FARS2: variants seen among roughly 807,000 people sequenced by gnomAD.
The protein encoded by FARS2 is phenylalanyl-tRNA synthetase 2, mitochondrial.
FARS2 carries 40 observed loss-of-function variants against 46.4 expected under a neutral mutation model. The observed-to-expected ratio is 0.86, with a 90% CI of 0.67 to 1.12. The LOEUF (loss-of-function observed/expected upper bound fraction) is 1.12, where lower values mean the gene tolerates loss of function less well. Among genes scored for constraint, FARS2 ranks in the 50% most tolerant of loss-of-function variants. FARS2 has a pLI of 0.00. For missense variants in FARS2, 513 were observed against 567.9 expected (o/e 0.90, Z 0.98); for synonymous variants, 234 against 214.9 (o/e 1.09, Z -0.78).
At chr6:5,674,707 T>A (rs982948276) in intron 6 of FARS2, among the ~76,000 whole-genome samples, 2 of 152,254 alleles carry the variant, frequency 1.3e-5, no homozygotes, top group Non-Finnish European at 2.9e-5. Flanking sequence ...ATATTTGCCT[T>A]CTTCTCACAT....
At chr6:5,679,187 A>G (rs1164632781) in intron 6 of FARS2, among the ~76,000 whole-genome samples, 1 of 152,182 alleles carries the variant, frequency 6.6e-6, no homozygotes, top group Non-Finnish European at 1.5e-5. Context: ...TGACAAAGCA[A>G]ACCTCTCAGT....
chr6:5,313,202 C>A (rs913601351), intron 1 of FARS2, among the ~76,000 whole-genome samples: 1 of 152,194 alleles, frequency 6.6e-6, no homozygotes, highest in Non-Finnish European at 1.5e-5. Flanking sequence ...TTTGTTGTTA[C>A]AAAATCACCT....
intron 6 of FARS2, among the ~76,000 whole-genome samples, chr6:5,677,774 A>T (rs1175071805): frequency 6.6e-6 from 1 of 152,176 alleles, no homozygotes; most frequent in Non-Finnish European, 1.5e-5. Context: ...TCTCGCAGCT[A>T]CTTGAAGGGT....
rs375707073 is a variant in FARS2 at position 5,763,273 on chromosome 6, G to A, written c.1218-8018G>A. Among the ~76,000 whole-genome samples, 32 of 152,210 alleles carry A rather than the reference G, an allele frequency of 2.1e-4. 1 individual carries two copies. In the East Asian group the frequency reaches 2.7e-3, roughly 13 times the overall value. ...TTGAGATTGGCCTGGGCAACATAGCGAGACCCTGTCTCTACATGAAATCAA... is the reference window on the plus strand; with the variant it reads ...TTGAGATTGGCCTGGGCAACATAGCAAGACCCTGTCTCTACATGAAATCAA... On this transcript the variant is annotated intron_variant, in intron 6 of 6. Transcript: ENST00000274680.
At chr6:5,689,840 C>T (rs1166380464) in intron 6 of FARS2, among the ~76,000 whole-genome samples, 2 of 152,098 alleles carry the variant, frequency 1.3e-5, no homozygotes, top group Admixed American at 1.3e-4. Context: ...GTCTAAGTCT[C>T]TTTGTAGGTC....
At chr6:5,349,506 C>G (rs797140) in intron 1 of FARS2, among the ~76,000 whole-genome samples, 1 of 151,922 alleles carries the variant, frequency 6.6e-6, no homozygotes, top group Non-Finnish European at 1.5e-5. Flanking sequence ...AACTTACTAA[C>G]TTTCAACCCT....
chr6:5,264,735 T>C (rs557622587), intron 1 of FARS2, among the ~76,000 whole-genome samples: 32 of 152,114 alleles, frequency 2.1e-4, no homozygotes, highest in Non-Finnish European at 4.0e-4. Flanking sequence ...TATAAGATGA[T>C]ATAGTCACAG....
At chr6:5,565,047 T>C (rs1223981937) in intron 5 of FARS2, among the ~76,000 whole-genome samples, 1 of 152,192 alleles carries the variant, frequency 6.6e-6, no homozygotes, top group African/African-American at 2.4e-5. Flanking sequence ...GAAAAATGGA[T>C]TCTTACTGCA....
rs539343499 is a variant in FARS2 at position 5,425,083 on chromosome 6, T to G, written c.773-5958T>G. Among the ~76,000 whole-genome samples the G allele has an allele frequency of 1.2e-3, 176 of 152,356 alleles. 2 individuals are homozygous for G. The South Asian group carries it at 0.014, about 12-fold the overall frequency. On this transcript the variant is annotated intron_variant, in intron 3 of 6. Transcript: ENST00000274680. The stretch of plus-strand genomic sequence containing the variant: ...AGTGGCAACCCTGATATTAGACCAC[T>G]ATATTCTACTATTTTTCTGGTGTCA...
At chr6:5,302,760 G>C (rs75236806) in intron 1 of FARS2, among the ~76,000 whole-genome samples, 1,890 of 152,178 alleles carry the variant, frequency 0.012, 16 homozygotes, top group Non-Finnish European at 0.02. Flanking sequence ...AGGGAGAGTC[G>C]GCTCACGGTG....
chr6:5,539,479 G>A lies in FARS2; in HGVS notation c.905-5701G>A, dbSNP rs552986383. On this transcript the variant is annotated intron_variant, in intron 4 of 6. Transcript: ENST00000274680. ...AATCTCCTGACCTCGTGATCTGCCC[G>A]CCTTGGCCTCCCAAAGTGCTAGGAT... Among the ~76,000 whole-genome samples the A allele has an allele frequency of 1.6e-4, 24 of 150,274 alleles. 1 individual carries two copies. The South Asian group carries it at 4.0e-3, about 25-fold the overall frequency.
At chr6:5,543,489 C>T (rs778540428) in intron 4 of FARS2, among the ~76,000 whole-genome samples, 3 of 151,800 alleles carry the variant, frequency 2.0e-5, no homozygotes, top group South Asian at 2.1e-4. Context: ...CTCAGCCTCC[C>T]GAGTAGCTGG....
At chr6:5,376,649 A>G (rs924848444) in intron 2 of FARS2, among the ~76,000 whole-genome samples, 4 of 152,192 alleles carry the variant, frequency 2.6e-5, no homozygotes, top group African/African-American at 9.7e-5. Context: ...ATCAACATGG[A>G]TGGGTTTTAA....
intron 6 of FARS2, among the ~76,000 whole-genome samples, chr6:5,762,640 A>G (rs1037636926): frequency 2.0e-5 from 3 of 152,228 alleles, no homozygotes; most frequent in Non-Finnish European, 4.4e-5. Flanking sequence ...GTCTCTAAGG[A>G]ACTCTTACGT....
At chr6:5,598,758 C>T (rs1464078827) in intron 5 of FARS2, among the ~76,000 whole-genome samples, 2 of 152,100 alleles carry the variant, frequency 1.3e-5, no homozygotes, top group East Asian at 3.9e-4. Context: ...ACCACTAGAC[C>T]AGGACATGGG....
intron 5 of FARS2, among the ~76,000 whole-genome samples, chr6:5,600,927 G>A (rs1774472831): frequency 1.3e-5 from 2 of 152,166 alleles, no homozygotes; most frequent in Admixed American, 6.5e-5. Flanking sequence ...AGGGTATTAG[G>A]AAGTGGAGCT....
rs550890668 is a variant in FARS2 at position 5,546,535 on chromosome 6, C to T, written c.1065+1195C>T. ...GAAGTGCTGGGATTACAGGAGTGAG[C>T]CACTGCGCCCAGCCCTCATCTAGTA... On this transcript the variant is annotated intron_variant, in intron 5 of 6. Transcript: ENST00000274680. Among the ~76,000 whole-genome samples the T allele has an allele frequency of 8.6e-5, 13 of 151,956 alleles. No homozygotes were observed. In the South Asian group the frequency reaches 2.5e-3, roughly 29 times the overall value.
At chr6:5,546,428 T>A (rs555984808) in intron 5 of FARS2, among the ~76,000 whole-genome samples, 1 of 151,716 alleles carries the variant, frequency 6.6e-6, no homozygotes, top group Non-Finnish European at 1.5e-5. Flanking sequence ...TTTTGTGTAT[T>A]TTTAGTAGAG....
At chr6:5,339,314 C>T (rs1401130448) in intron 1 of FARS2, among the ~76,000 whole-genome samples, 1 of 152,114 alleles carries the variant, frequency 6.6e-6, no homozygotes, top group Non-Finnish European at 1.5e-5. Context: ...TCAAAGATAA[C>T]TATATTTAAA....
Sources: gnomAD v4.1 joint callset for allele counts (sites outside exome capture counted in the v4.1 genomes callset) on GRCh38, gnomAD v4.1.1 for gene constraint, MANE v1.5 for transcripts, NCBI Gene and HGNC (gene_info 2026-07-23, HGNC 2026-07-21) for gene names.